The following FIGN variants were observed in gnomAD, a reference collection of about 807,000 sequenced individuals.
The protein encoded by FIGN is fidgetin.
A neutral mutation model predicts 51.3 loss-of-function variants in FIGN; 11 were observed. The observed-to-expected ratio is 0.21, with a 90% confidence interval of 0.13 to 0.35. FIGN has a LOEUF of 0.35. Ranked by LOEUF, FIGN falls within the 10% of genes least tolerant of loss-of-function variation. The pLI, the probability that FIGN is intolerant of heterozygous loss-of-function variation, is 1.00. For missense variants in FIGN, 857 were observed against 943.6 expected (o/e 0.91, Z 1.20); for synonymous variants, 407 against 363.2 (o/e 1.12, Z -1.37).
At position 163,609,252 on chromosome 2, in the gene FIGN, G is replaced by A. The variant is rs552333095; in HGVS notation, c.*300C>T. The A allele has an allele frequency of 6.2e-6, 2 of 324,946 alleles. No individual in the cohort carries two copies. The highest frequency in any genetic ancestry group is 1.8e-4 in the South Asian group (2 of 11,186). 20.1% of individuals were successfully genotyped at this position (324,946 alleles called of 1,614,324 possible). A position where few individuals can be genotyped will look rare whatever the true frequency, so the allele number is the denominator to read the frequency against. On this transcript the variant is annotated 3_prime_UTR_variant, in exon 3 of 3. Transcript: ENST00000333129. ...ACAGCAGAATGGAATCAACACACGA[G>A]GTTCATGTCCTTCTGAAATCAACAC...
At position 163,610,072 on chromosome 2, in the gene FIGN, A is replaced by G. The variant is rs1468596498; in HGVS notation, c.1760T>C (p.Ile587Thr). The G allele has an allele frequency of 3.1e-6, 5 of 1,613,866 alleles. No individual in the cohort carries two copies. The highest frequency in any genetic ancestry group is 1.7e-5 in the Admixed American group (1 of 59,986). ...CACTTGAGAGGAGAGAAGCATGTCAATGTCACTAACAAAAATCACCGAGGG... is the reference window on the plus strand; with the variant it reads ...CACTTGAGAGGAGAGAAGCATGTCAGTGTCACTAACAAAAATCACCGAGGG... ...RQPSVIFVSD[I>T]DMLLSSQVNE... Residue 587 changes from isoleucine (I) to threonine (T), a missense_variant, in exon 3 of 3, where the codon ATT becomes ACT. By Grantham distance (89) the Ile-to-Thr change is moderately conservative. This residue lies in a region of FIGN where 799 missense variants were observed against 849.5 expected (regional missense o/e 0.94). Transcript: ENST00000333129.
intron 2 of FIGN, among the ~76,000 whole-genome samples, chr2:163,687,708 C>T (rs1316074584): frequency 6.6e-6 from 1 of 152,152 alleles, no homozygotes; most frequent in Non-Finnish European, 1.5e-5. Context: ...ACTAACAATG[C>T]AAACTTAAAT....
Position 163,609,872 on chromosome 2 carries a change from C to T in FIGN, c.1960G>A (p.Asp654Asn), listed in dbSNP as rs1691195696. 6.2e-7 allele frequency: 1 copy of T among 1,614,158 alleles called. No individual in the cohort carries two copies. Among genetic ancestry groups the T allele is most frequent in the African/African-American group, 1.3e-5 (1 of 75,034 alleles). The part of the protein sequence containing the change: ...FMKRLLIPLP[D>N]STARHQIIVQ... Reference sequence around the variant, plus strand: ...ATTATCTGGTGCCTCGCTGTGCTGTCAGGAAGTGGGATTAAAAGTCGTTTC... The same window carrying T: ...ATTATCTGGTGCCTCGCTGTGCTGTTAGGAAGTGGGATTAAAAGTCGTTTC... Residue 654 changes from aspartate (D) to asparagine (N), a missense_variant, in exon 3 of 3, where the codon GAC (aspartate) becomes AAC (asparagine). By Grantham distance (23) the Asp-to-Asn change is conservative. Coordinates refer to ENST00000333129, the MANE Select transcript of FIGN (RefSeq NM_018086.4).
At chr2:163,676,313 TAA>T (rs1013194677) in intron 2 of FIGN, among the ~76,000 whole-genome samples, 1 of 151,086 alleles carries the variant, frequency 6.6e-6, no homozygotes, top group Non-Finnish European at 1.5e-5. Context: ...AGTTCTTCTA[TAA>T]AAAGTGTTTT....
At chr2:163,615,961 T>A (rs960657379) in intron 2 of FIGN, among the ~76,000 whole-genome samples, 10 of 152,166 alleles carry the variant, frequency 6.6e-5, no homozygotes, top group African/African-American at 2.4e-4. Flanking sequence ...AATAGAAAAT[T>A]GCTTTTAAGA....
chr2:163,653,772 A>G (rs991439953), intron 2 of FIGN, among the ~76,000 whole-genome samples: 13 of 152,122 alleles, frequency 8.5e-5, no homozygotes, highest in African/African-American at 2.9e-4. Context: ...GCAAACAACA[A>G]CAACAACAAA....
chr2:163,610,896 T>C lies in FIGN; in HGVS notation c.936A>G (p.Ser312=). ...AAGCTTTCCTTTTGAGAGAACTTGC[T>C]GAACTGTTTGTCAGAGCCGACGGTG... ...PIAPSALTNS[S]ASSLKRKAFY... The change falls in exon 3 of 3, where the codon TCA becomes TCG. Residue 312 remains serine, a synonymous_variant. Coordinates refer to ENST00000333129, the MANE Select transcript of FIGN (RefSeq NM_018086.4). 2 of 1,613,554 alleles carry C rather than the reference T, an allele frequency of 1.2e-6. No homozygotes were observed. Among genetic ancestry groups the C allele is most frequent in the African/African-American group, 2.7e-5 (2 of 74,800 alleles).
At chr2:163,663,235 G>A (rs546244416) in intron 2 of FIGN, among the ~76,000 whole-genome samples, 1 of 151,448 alleles carries the variant, frequency 6.6e-6, no homozygotes, top group South Asian at 2.1e-4. Flanking sequence ...AAATAATGTT[G>A]GTTTTTTTTT....
intron 2 of FIGN, among the ~76,000 whole-genome samples, chr2:163,637,588 T>G (rs1683246085): frequency 1.3e-5 from 2 of 151,982 alleles, no homozygotes; most frequent in African/African-American, 4.8e-5. Flanking sequence ...AAAATAGATC[T>G]GGGAATGTCA....
chr2:163,695,172 T>G (rs994586570), intron 2 of FIGN, among the ~76,000 whole-genome samples: 2 of 152,218 alleles, frequency 1.3e-5, no homozygotes, highest in Non-Finnish European at 2.9e-5. Flanking sequence ...CTTAAATTCC[T>G]TAGAAGGTGT....
intron 2 of FIGN, among the ~76,000 whole-genome samples, chr2:163,613,156 G>C (rs1248439312): frequency 6.6e-6 from 1 of 152,064 alleles, no homozygotes; most frequent in East Asian, 1.9e-4. Flanking sequence ...GTTAGTTACA[G>C]AAGAGGACTG....
rs1314458406 is a variant in FIGN at position 163,662,569 on chromosome 2, AT to A, written c.26-50764del. On this transcript the variant is annotated intron_variant, in intron 2 of 2. Coordinates refer to ENST00000333129, the MANE Select transcript of FIGN (RefSeq NM_018086.4). ...AGAGACCTTCAGAGCAGCCCCTCCC[AT>A]CACAGGCCCAGAGGCTGAAGAGGAA... Among the ~76,000 whole-genome samples the A allele has an allele frequency of 3.9e-5, 6 of 152,258 alleles. No individual in the cohort carries two copies. In the East Asian group the frequency reaches 9.7e-4, roughly 25 times the overall value.
rs747092129 is a variant in FIGN, at chr2:163,610,743, A to T, written c.1089T>A (p.Asn363Lys). 1 of 1,614,178 alleles carries T rather than the reference A, an allele frequency of 6.2e-7. No individual in the cohort carries two copies. The highest frequency in any genetic ancestry group is 8.5e-7 in the Non-Finnish European group (1 of 1,180,018). The change falls in exon 3 of 3, where the codon AAT becomes AAA. Residue 363 changes from asparagine (N) to lysine (K), a missense_variant. Physicochemically the swap from Asn to Lys is moderately conservative, Grantham distance 94. Transcript: ENST00000333129. ...DNSISNTNRG[N>K]GFDRSAETSS... ...ATGTTTCAGCACTTCTGTCAAAGCC[A>T]TTCCCCCGATTTGTGTTTGAAATGC... is the stretch of plus-strand genomic sequence containing the variant.
chr2:163,724,260 T>C (rs878898277), intron 2 of FIGN, among the ~76,000 whole-genome samples: 3 of 152,212 alleles, frequency 2.0e-5, no homozygotes, highest in Admixed American at 2.0e-4. Flanking sequence ...AGAAATGTTT[T>C]CAAAAGTCTA....
chr2:163,610,624 G>A lies in FIGN; in HGVS notation c.1208C>T (p.Ser403Phe). 8 of 1,614,176 alleles carry A rather than the reference G, an allele frequency of 5.0e-6. No individual in the cohort carries two copies. The highest frequency in any genetic ancestry group is 6.8e-6 in the Non-Finnish European group (8 of 1,180,026). ...CAATGAATTTTTAGCAGTACTGTAG[G>A]AAGGAGGGGTCAGAGCCCTACTGGA... The part of the protein sequence containing the change: ...SQSSRALTPP[S>F]YSTAKNSLGS... The change falls in exon 3 of 3, where the codon TCC becomes TTC. Residue 403 changes from serine to phenylalanine, a missense_variant. Ser to Phe is a radical substitution (Grantham distance 155). Around this residue, in one of 3 missense-constraint regions of FIGN, gnomAD observed 799 missense variants for 849.5 expected, o/e 0.94. Transcript: ENST00000333129.
intron 2 of FIGN, among the ~76,000 whole-genome samples, chr2:163,668,388 T>C (rs988503219): frequency 6.6e-6 from 1 of 152,014 alleles, no homozygotes; most frequent in African/African-American, 2.4e-5. Context: ...GAAGAAACTA[T>C]TTGAAGAAGG....
intron 2 of FIGN, chr2:163,617,027 A>G: frequency 1.1e-5 from 9 of 828,118 alleles, no homozygotes; most frequent in Non-Finnish European, 1.3e-5. Flanking sequence ...ACCAAATGAA[A>G]TGTTTGAGGA....
chr2:163,668,544 C>T (rs1368072749), intron 2 of FIGN, among the ~76,000 whole-genome samples: 1 of 152,166 alleles, frequency 6.6e-6, no homozygotes, highest in South Asian at 2.1e-4. Flanking sequence ...AATTGAATTC[C>T]ATCTCTTCAT....
chr2:163,731,504 G>A (rs1000727064), intron 2 of FIGN, among the ~76,000 whole-genome samples: 7 of 151,840 alleles, frequency 4.6e-5, no homozygotes, highest in Non-Finnish European at 8.8e-5. Flanking sequence ...GGTTTTCAAA[G>A]TTCCTGCCTA....
Sources: allele counts gnomAD v4.1 joint callset (sites outside exome capture counted in the v4.1 genomes callset), GRCh38; gene constraint gnomAD v4.1.1; regional missense constraint gnomAD v4.1.1; transcripts MANE v1.5; gene names NCBI Gene and HGNC (gene_info 2026-07-23, HGNC 2026-07-21).